Variants in SCAI observed in about 807,000 individuals in gnomAD.
The protein encoded by SCAI is suppressor of cancer cell invasion.
A neutral mutation model predicts 92.2 loss-of-function variants in SCAI; 24 were observed. The observed-to-expected ratio is 0.26, with a 90% CI of 0.19 to 0.37. The LOEUF is 0.37. SCAI is among the 10% of genes least tolerant of loss of function. The probability of loss-of-function intolerance (pLI) is 1.00; values close to 1 mark genes in which losing one functional copy is unlikely to be tolerated. For missense variants in SCAI, 450 were observed against 736.2 expected (o/e 0.61, Z 4.50); for synonymous variants, 261 against 258.6 (o/e 1.01, Z -0.09).
At chr9:125,139,745 C>CACACACA (rs1171506625) in intron 2 of SCAI, among the ~76,000 whole-genome samples, 1 of 152,056 alleles carries the variant, frequency 6.6e-6, no homozygotes. Flanking sequence ...ATTACAAGAT[C>CACACACA]GATTTGCACA....
chr9:125,093,628 T>C lies in SCAI; in HGVS notation c.99-37621A>G, dbSNP rs907979186. Among the ~76,000 whole-genome samples, 4 of 151,038 alleles carry C rather than the reference T, an allele frequency of 2.6e-5. No homozygotes were observed. The East Asian group carries it at 6.0e-4, about 23-fold the overall frequency. Reference sequence around the variant, plus strand: ...TCACCCAGGTTGGAGTGCAGCAGTGTGATCTTGGCTCACTGCAGCCTTCGC... The same window carrying C: ...TCACCCAGGTTGGAGTGCAGCAGTGCGATCTTGGCTCACTGCAGCCTTCGC... On this transcript the variant is annotated intron_variant, in intron 2 of 17. Transcript: ENST00000336505.
chr9:125,108,735 G>A (rs1420496743), intron 2 of SCAI, among the ~76,000 whole-genome samples: 1 of 151,762 alleles, frequency 6.6e-6, no homozygotes, highest in African/African-American at 2.4e-5. Context: ...CGTCCAGGAA[G>A]TGAGGAGCGT....
At chr9:125,078,123 C>G (rs940861027) in intron 2 of SCAI, among the ~76,000 whole-genome samples, 2 of 151,808 alleles carry the variant, frequency 1.3e-5, no homozygotes, top group African/African-American at 4.8e-5. Flanking sequence ...TTTGCAAATA[C>G]ATTATTCCTT....
intron 9 of SCAI, among the ~76,000 whole-genome samples, chr9:125,018,312 T>C (rs1010315154): frequency 6.6e-6 from 1 of 151,982 alleles, no homozygotes; most frequent in Admixed American, 6.6e-5. Flanking sequence ...GCCAGGCTGG[T>C]CTTGAACTCC....
chr9:125,069,343 A>G (rs988579084), intron 2 of SCAI, among the ~76,000 whole-genome samples: 1 of 149,764 alleles, frequency 6.7e-6, no homozygotes, highest in African/African-American at 2.5e-5. Context: ...TTTGAGACGG[A>G]GTCTTGCTCT....
intron 7 of SCAI, 121 bp downstream of exon 7, chr9:125,020,552 A>G (rs1832851444): frequency 3.7e-6 from 2 of 542,722 alleles, no homozygotes; most frequent in African/African-American, 2.0e-5. Context: ...AAGTTACTAT[A>G]CTTTGAATAT....
intron 2 of SCAI, among the ~76,000 whole-genome samples, chr9:125,077,028 G>GA (rs1345430900): frequency 2.0e-5 from 3 of 152,066 alleles, no homozygotes; most frequent in Non-Finnish European, 4.4e-5. Context: ...ACAAAAAAAT[G>GA]AAAAAATCAG....
intron 2 of SCAI, among the ~76,000 whole-genome samples, chr9:125,108,716 C>T (rs1834868240): frequency 2.0e-5 from 3 of 151,866 alleles, no homozygotes; most frequent in Admixed American, 2.0e-4. Context: ...CTCCGCCCGG[C>T]AGCCGCCCCG....
At chr9:124,973,805 C>T (rs1256740774) in intron 15 of SCAI, among the ~76,000 whole-genome samples, 1 of 147,418 alleles carries the variant, frequency 6.8e-6, no homozygotes, top group Non-Finnish European at 1.5e-5. Context: ...CTAGCCTGGG[C>T]GACAGTGCAA....
At chr9:125,067,330 C>T (rs114883515) in intron 2 of SCAI, among the ~76,000 whole-genome samples, 79 of 152,152 alleles carry the variant, frequency 5.2e-4, no homozygotes, top group African/African-American at 1.7e-3. Context: ...GTTAAGATGA[C>T]GTCATGCTGG....
At chr9:124,956,077 A>C (rs1046812538) in intron 17 of SCAI, among the ~76,000 whole-genome samples, 1 of 152,232 alleles carries the variant, frequency 6.6e-6, no homozygotes, top group South Asian at 2.1e-4. Flanking sequence ...TGAAGACATT[A>C]CGAGAAAAAT....
intron 1 of SCAI, 23 bp from the exon 2 acceptor site, chr9:125,142,700 G>C: frequency 3.1e-6 from 5 of 1,608,374 alleles, no homozygotes; most frequent in Non-Finnish European, 4.3e-6. Context: ...CAAATAAGAC[G>C]GTAACTAAAA....
intron 17 of SCAI, among the ~76,000 whole-genome samples, chr9:124,957,839 C>T (rs1831353492): frequency 2.6e-5 from 4 of 152,008 alleles, no homozygotes; most frequent in African/African-American, 9.7e-5. Flanking sequence ...CCCGCCACCA[C>T]ACACAGCTAA....
Position 125,042,638 on chromosome 9 carries a change from C to CAA in SCAI, c.231-12900_231-12899insTT, listed in dbSNP as rs1588172361. On this transcript the variant is annotated intron_variant, in intron 3 of 17. Coordinates refer to ENST00000336505, the MANE Select transcript of SCAI (RefSeq NM_001144877.3). ...GTATGTGTGTGTGTGTGTGTGTACA[C>CAA]ACACACACACACACACACACACACA... Among the ~76,000 whole-genome samples the CAA allele has an allele frequency of 6.8e-5, 5 of 73,552 alleles. No individual in the cohort carries two copies. In the East Asian group the frequency reaches 2.1e-3, roughly 31 times the overall value. 48.3% of individuals were successfully genotyped at this position (73,552 alleles called of 152,430 possible). A position where few individuals can be genotyped will look rare whatever the true frequency, so the allele number is the denominator to read the frequency against.
At chr9:125,008,155 T>C (rs1832553607) in intron 9 of SCAI, among the ~76,000 whole-genome samples, 1 of 151,656 alleles carries the variant, frequency 6.6e-6, no homozygotes, top group Non-Finnish European at 1.5e-5. Context: ...CTTTATTTTT[T>C]TCTTTTTGAG....
intron 13 of SCAI, among the ~76,000 whole-genome samples, chr9:124,996,664 C>G (rs554942199): frequency 6.6e-6 from 1 of 151,938 alleles, no homozygotes; most frequent in East Asian, 1.9e-4. Context: ...GAGTCTCGCT[C>G]TGTCACACAG....
intron 2 of SCAI, among the ~76,000 whole-genome samples, chr9:125,062,156 C>T (rs935442144): frequency 6.6e-6 from 1 of 151,154 alleles, no homozygotes; most frequent in African/African-American, 2.4e-5. Context: ...GACAGGGTCT[C>T]GCTATGTTGC....
In SCAI at chr9:124,972,817, T is replaced by C. The variant is rs191636820; in HGVS notation, c.1400-973A>G. On this transcript the variant is annotated intron_variant, in intron 15 of 17. Transcript: ENST00000336505. Reference sequence around the variant, plus strand: ...CAAAGTCCTGTTGGTTCTATGGTTCTATGGGCTTAGTATCTTTGCAGCTGG... The same window carrying C: ...CAAAGTCCTGTTGGTTCTATGGTTCCATGGGCTTAGTATCTTTGCAGCTGG... Among the ~76,000 whole-genome samples the C allele has an allele frequency of 1.7e-3, 261 of 152,366 alleles. 1 individual carries two copies. The highest frequency in any genetic ancestry group is 6.1e-3 in the African/African-American group (254 of 41,590).
rs191073348 is a variant in SCAI, at chr9:125,010,081, G to A, written c.862-6511C>T. Among the ~76,000 whole-genome samples, 41 of 152,258 alleles carry A rather than the reference G, an allele frequency of 2.7e-4. No homozygotes were observed. In the South Asian group the frequency reaches 3.1e-3, roughly 12 times the overall value. On this transcript the variant is annotated intron_variant, in intron 9 of 17. Coordinates refer to ENST00000336505, the MANE Select transcript of SCAI (RefSeq NM_001144877.3). ...AAGATGGCCGAATAGGAACAGCTCC[G>A]GCCTACAGCTCCCAGGGTAAGCGAC...
Sources: gnomAD v4.1 joint callset for allele counts (sites outside exome capture counted in the v4.1 genomes callset) on GRCh38, gnomAD v4.1.1 for gene constraint, MANE v1.5 for transcripts, NCBI Gene and HGNC (gene_info 2026-07-23, HGNC 2026-07-21) for gene names.